DAPK1: variants seen among roughly 807,000 people sequenced by gnomAD.
The protein encoded by DAPK1 is death-associated protein kinase 1.
A neutral mutation model predicts 144.9 loss-of-function variants in DAPK1; 56 were observed. The observed-to-expected ratio is 0.39, with a 90% CI of 0.31 to 0.48. The LOEUF is 0.48. DAPK1 is among the 20% of genes least tolerant of loss of function. DAPK1 has a pLI of 0.95. For missense variants in DAPK1, 1,454 were observed against 1,875.4 expected (o/e 0.78, Z 4.15); for synonymous variants, 690 against 749.0 (o/e 0.92, Z 1.29).
intron 2 of DAPK1, among the ~76,000 whole-genome samples, chr9:87,584,067 CAG>C (rs1484650569): frequency 2.6e-5 from 4 of 152,032 alleles, no homozygotes; most frequent in African/African-American, 7.3e-5. Flanking sequence ...TTTAAATTGA[CAG>C]ATAAAATTGC....
At chr9:87,530,493 G>A (rs1482023616) in intron 2 of DAPK1, among the ~76,000 whole-genome samples, 8 of 152,120 alleles carry the variant, frequency 5.3e-5, no homozygotes, top group East Asian at 1.9e-4. Context: ...TCCTTAACCC[G>A]TTTTGAAATT....
intron 3 of DAPK1, among the ~76,000 whole-genome samples, chr9:87,625,635 C>T (rs1211427077): frequency 6.6e-6 from 1 of 152,200 alleles, no homozygotes; most frequent in Non-Finnish European, 1.5e-5. Context: ...CCATCTGCTG[C>T]TCTGGGCCCA....
At chr9:87,606,859 T>C (rs1405101855) in intron 3 of DAPK1, among the ~76,000 whole-genome samples, 1 of 143,082 alleles carries the variant, frequency 7.0e-6, no homozygotes, top group East Asian at 2.3e-4. Flanking sequence ...CAGTTCTCAA[T>C]CTTGGCACAA....
chr9:87,533,986 A>G (rs1159012719), intron 2 of DAPK1, among the ~76,000 whole-genome samples: 2 of 152,102 alleles, frequency 1.3e-5, no homozygotes, highest in African/African-American at 4.8e-5. Context: ...TTCTAACAGC[A>G]GTTCTCAGGT....
intron 11 of DAPK1, among the ~76,000 whole-genome samples, chr9:87,643,870 CTG>C (rs1297219892): frequency 1.3e-5 from 2 of 152,158 alleles, no homozygotes; most frequent in Non-Finnish European, 2.9e-5. Flanking sequence ...TTTTCATGAA[CTG>C]TAGCCACTGA....
chr9:87,629,635 G>A (rs965352359), intron 3 of DAPK1, among the ~76,000 whole-genome samples: 29 of 152,190 alleles, frequency 1.9e-4, no homozygotes, highest in Admixed American at 1.5e-3. Flanking sequence ...TTGGCCTCCC[G>A]AAGTGTTGGG....
intron 2 of DAPK1, among the ~76,000 whole-genome samples, chr9:87,566,734 A>G (rs1040005091): frequency 6.6e-6 from 1 of 152,218 alleles, no homozygotes; most frequent in African/African-American, 2.4e-5. Context: ...CGGAATGAGA[A>G]GAACAAGGAT....
intron 11 of DAPK1, among the ~76,000 whole-genome samples, chr9:87,643,855 C>T (rs1370166326): frequency 6.6e-6 from 1 of 152,132 alleles, no homozygotes; most frequent in Non-Finnish European, 1.5e-5. Context: ...AAGAGCTTAT[C>T]CTAATTTTCA....
At chr9:87,622,581 T>C (rs1013283906) in intron 3 of DAPK1, among the ~76,000 whole-genome samples, 11 of 152,170 alleles carry the variant, frequency 7.2e-5, no homozygotes. Context: ...GTTTTATAAA[T>C]GCCTCCTTAT....
intron 2 of DAPK1, chr9:87,554,386 A>G (rs1826621049): frequency 6.6e-6 from 1 of 152,232 alleles, no homozygotes; most frequent in Non-Finnish European, 1.5e-5. Flanking sequence ...TTTTAGCTGA[A>G]TAGCAATAAT....
At chr9:87,590,387 A>G (rs1471469709) in intron 2 of DAPK1, among the ~76,000 whole-genome samples, 3 of 123,994 alleles carry the variant, frequency 2.4e-5, no homozygotes, top group African/African-American at 4.1e-5. Flanking sequence ...AAAAAAAAAG[A>G]AAAGAAAAGA....
intron 20 of DAPK1, among the ~76,000 whole-genome samples, chr9:87,683,235 A>T (rs746917583): frequency 1.1e-4 from 17 of 152,024 alleles, no homozygotes; most frequent in Middle Eastern, 3.4e-3. Context: ...GGTGCATGCC[A>T]CCACACCAGG....
intron 17 of DAPK1, among the ~76,000 whole-genome samples, chr9:87,653,702 A>AT (rs1554698387): frequency 0.095 from 14,359 of 150,932 alleles, 2,064 homozygotes; most frequent in African/African-American, 0.31. Context: ...CATTATTATT[A>AT]TTTTTTTTGA....
intron 2 of DAPK1, among the ~76,000 whole-genome samples, chr9:87,583,399 C>G (rs767983730): frequency 6.6e-6 from 1 of 152,198 alleles, no homozygotes; most frequent in African/African-American, 2.4e-5. Flanking sequence ...ACTCAGCACT[C>G]TACCCTCAAA....
intron 2 of DAPK1, among the ~76,000 whole-genome samples, chr9:87,561,296 G>GCGGGCGGATCACGAGGTCAGGAGAT (rs1344692475): frequency 6.6e-6 from 1 of 152,276 alleles, no homozygotes; most frequent in Admixed American, 6.5e-5. Context: ...GGAGGCCAAG[G>GCGGGCGGATCACGAGGTCAGGAGAT]CGGGCGGATC....
At chr9:87,551,595 A>AC (rs1826487060) in intron 2 of DAPK1, among the ~76,000 whole-genome samples, 1 of 152,192 alleles carries the variant, frequency 6.6e-6, no homozygotes, top group Non-Finnish European at 1.5e-5. Context: ...ACAGTGGATG[A>AC]AGGACAGGAC....
chr9:87,569,741 T>C (rs1034301861), intron 2 of DAPK1, among the ~76,000 whole-genome samples: 7 of 152,184 alleles, frequency 4.6e-5, no homozygotes, highest in African/African-American at 1.7e-4. Flanking sequence ...GGTCTTCCAG[T>C]CCATTAATCT....
intron 4 of DAPK1, among the ~76,000 whole-genome samples, chr9:87,638,584 G>A (rs1829983330): frequency 6.6e-6 from 1 of 152,236 alleles, no homozygotes; most frequent in Admixed American, 6.5e-5. Flanking sequence ...AGCCATGACA[G>A]AGGTGTGGTC....
intron 19 of DAPK1, among the ~76,000 whole-genome samples, chr9:87,679,913 G>A (rs934357462): frequency 6.6e-6 from 1 of 152,020 alleles, no homozygotes; most frequent in African/African-American, 2.4e-5. Context: ...ACACAGAGAG[G>A]GACAGATGCT....
Sources: allele counts gnomAD v4.1 joint callset (sites outside exome capture counted in the v4.1 genomes callset), GRCh38; gene constraint gnomAD v4.1.1; transcripts MANE v1.5; gene names NCBI Gene and HGNC (gene_info 2026-07-23, HGNC 2026-07-21).